The following DENND5A variants were observed in gnomAD, a reference collection of about 807,000 sequenced individuals.
The protein encoded by DENND5A is DENN domain-containing protein 5A.
DENND5A carries 64 observed loss-of-function variants against 140.3 expected under a neutral mutation model. The observed-to-expected ratio is 0.46, with a 90% CI of 0.37 to 0.56. The LOEUF (loss-of-function observed/expected upper bound fraction) is 0.56. Among genes scored for constraint, DENND5A ranks in the 20% least tolerant of loss-of-function variants. DENND5A has a pLI of 0.00. For synonymous variants in DENND5A, 605 were observed against 607.7 expected (o/e 1.00, Z 0.07); for missense variants, 1,292 against 1,593.8 (o/e 0.81, Z 3.22).
rs1181579785 is a variant in DENND5A at position 9,140,090 on chromosome 11, T to G, written c.3681-236A>C. 3.8e-6 allele frequency: 5 copies of G among 1,314,184 alleles called. No individual in the cohort carries two copies. The South Asian group carries it at 6.5e-5, about 17-fold the overall frequency. The allele number at this position is 1,314,184 out of a possible 1,614,324, so 81.4% of individuals were successfully genotyped here. A position where few individuals can be genotyped will look rare whatever the true frequency, so the allele number is the denominator to read the frequency against. On this transcript the variant is annotated intron_variant, in intron 22 of 22. Transcript: ENST00000328194. ...TGAGCCTCCAAGCCTCCTCCTCCCC[T>G]GCCTCCCTCGCCCTGCCTAGTCAGC...
At chr11:9,187,661 A>C (rs1357336858) in intron 5 of DENND5A, among the ~76,000 whole-genome samples, 1 of 152,144 alleles carries the variant, frequency 6.6e-6, no homozygotes, top group African/African-American at 2.4e-5. Context: ...GATAGAAAAA[A>C]ATGGTACCCC....
chr11:9,204,196 T>C lies in DENND5A; in HGVS notation c.413A>G (p.Tyr138Cys). 6.2e-7 allele frequency: 1 copy of C among 1,614,098 alleles called. No homozygotes were observed. The highest frequency in any genetic ancestry group is 8.5e-7 in the Non-Finnish European group (1 of 1,180,012). The change falls in exon 4 of 23, where the codon TAT becomes TGT. Residue 138 changes from tyrosine to cysteine, a missense_variant. Coordinates refer to ENST00000328194, the MANE Select transcript of DENND5A (RefSeq NM_015213.4). ...SRTFGFALTF[Y>C]EEVTSKQICS... Reference sequence around the variant, plus strand: ...GATCTGCTTGCTAGTCACCTCTTCATAAAATGTGAGGGCAAACCCAAATGT... The same window carrying C: ...GATCTGCTTGCTAGTCACCTCTTCACAAAATGTGAGGGCAAACCCAAATGT...
chr11:9,163,092 T>C (rs1430633688), intron 11 of DENND5A, among the ~76,000 whole-genome samples: 2 of 152,178 alleles, frequency 1.3e-5, no homozygotes, highest in African/African-American at 4.8e-5. Flanking sequence ...TTGTATAGCA[T>C]TCCACCACAT....
intron 12 of DENND5A, among the ~76,000 whole-genome samples, chr11:9,155,007 C>T (rs189673959): frequency 1.3e-5 from 2 of 151,864 alleles, no homozygotes; most frequent in South Asian, 2.1e-4. Flanking sequence ...AAATTAGGCG[C>T]GCATGGTGAC....
chr11:9,229,909 T>C (rs1392450807), intron 1 of DENND5A, among the ~76,000 whole-genome samples: 1 of 135,094 alleles, frequency 7.4e-6, no homozygotes, highest in Non-Finnish European at 1.6e-5. Context: ...CTTTTTTTTT[T>C]TTTTTTTTTT....
At chr11:9,169,495 G>GCGCACACACACA (rs1554916426) in intron 10 of DENND5A, among the ~76,000 whole-genome samples, 54 of 145,804 alleles carry the variant, frequency 3.7e-4, no homozygotes, top group African/African-American at 1.3e-3. Flanking sequence ...ATATACACAC[G>GCGCACACACACA]CACACACACA....
chr11:9,168,740 A>C (rs1314226060), intron 10 of DENND5A, among the ~76,000 whole-genome samples: 1 of 152,218 alleles, frequency 6.6e-6, no homozygotes, highest in East Asian at 1.9e-4. Flanking sequence ...AAGGGAGAAT[A>C]TGTTATTTAT....
chr11:9,237,150 C>T (rs988180526), intron 1 of DENND5A, among the ~76,000 whole-genome samples: 1 of 152,224 alleles, frequency 6.6e-6, no homozygotes, highest in Non-Finnish European at 1.5e-5. Flanking sequence ...GGCACGGTGG[C>T]TCACGCCTGT....
At chr11:9,239,276 C>T (rs550002786) in intron 1 of DENND5A, among the ~76,000 whole-genome samples, 14 of 152,132 alleles carry the variant, frequency 9.2e-5, no homozygotes, top group Admixed American at 2.6e-4. Context: ...AAGCAATCTT[C>T]CTGCCTCAGC....
intron 1 of DENND5A, among the ~76,000 whole-genome samples, chr11:9,264,219 C>T (rs1047195229): frequency 2.0e-5 from 3 of 152,126 alleles, no homozygotes; most frequent in Non-Finnish European, 4.4e-5. Context: ...TCTTTGACTC[C>T]CCTCATCACT....
rs190352297 is a variant in DENND5A at position 9,141,702 on chromosome 11, T to A, written c.3680+238A>T. Among the ~76,000 whole-genome samples the A allele has an allele frequency of 1.9e-3, 292 of 152,344 alleles. 2 individuals are homozygous for A. Among genetic ancestry groups the A allele is most frequent in the African/African-American group, 6.7e-3 (278 of 41,574 alleles). On this transcript the variant is annotated intron_variant, in intron 22 of 22. Coordinates refer to ENST00000328194, the MANE Select transcript of DENND5A (RefSeq NM_015213.4). ...ACAGTAAAAACAGAGTATAATCTTA[T>A]AGGACCATCATCCCATAAACAGTCC...
Position 9,165,888 on chromosome 11 carries a change from G to A in DENND5A, c.2231C>T (p.Ala744Val). The A allele has an allele frequency of 1.2e-6, 2 of 1,614,046 alleles. No homozygotes were observed. The stretch of plus-strand genomic sequence containing the variant: ...CTCTACAAACTTCCAATTGGTCTGG[G>A]CAATCACTGATGGAGAGAGGTTGGA... ...KLSNLSPSVI[A>V]QTNWKFVEGL... Residue 744 changes from alanine to valine, a missense_variant, in exon 11 of 23, where the codon GCC (alanine) becomes GTC (valine). By Grantham distance (64) the Ala-to-Val change is moderately conservative. Coordinates refer to ENST00000328194, the MANE Select transcript of DENND5A (RefSeq NM_015213.4).
At chr11:9,249,634 T>C (rs1028236035) in intron 1 of DENND5A, among the ~76,000 whole-genome samples, 1 of 152,180 alleles carries the variant, frequency 6.6e-6, no homozygotes, top group African/African-American at 2.4e-5. Flanking sequence ...CTGCAACCTC[T>C]GCCTCCAGGT....
At chr11:9,197,094 C>T (rs1442925772) in intron 4 of DENND5A, among the ~76,000 whole-genome samples, 1 of 151,268 alleles carries the variant, frequency 6.6e-6, no homozygotes, top group Non-Finnish European at 1.5e-5. Context: ...CGCTTGAAGT[C>T]AGGAGTTTAA....
At chr11:9,221,215 G>A (rs1850299634) in intron 1 of DENND5A, among the ~76,000 whole-genome samples, 2 of 151,768 alleles carry the variant, frequency 1.3e-5, no homozygotes, top group South Asian at 4.1e-4. Flanking sequence ...TGGATCACCT[G>A]AAGTCAGGAG....
intron 1 of DENND5A, among the ~76,000 whole-genome samples, chr11:9,231,578 G>A (rs1040492726): frequency 3.3e-5 from 5 of 152,042 alleles, no homozygotes; most frequent in Non-Finnish European, 5.9e-5. Context: ...TGCAGGGAGT[G>A]GTGGCGCATG....
At position 9,207,585 on chromosome 11, in the gene DENND5A, G is replaced by A. The variant is rs1183336505; in HGVS notation, c.157C>T (p.Pro53Ser). The part of the protein sequence containing the change: ...QASKARDGAS[P>S]FISSTTEGEN... ...CCTTCAGTCGTACTTGAAATGAAAG[G>A]GCTGGCACCATCCCTGGCTTTAGAA... Residue 53 changes from proline (P) to serine (S), a missense_variant, in exon 2 of 23, where the codon CCT (proline) becomes TCT (serine). Coordinates refer to ENST00000328194, the MANE Select transcript of DENND5A (RefSeq NM_015213.4). The A allele has an allele frequency of 6.2e-7, 1 of 1,613,164 alleles. No homozygotes were observed. Among genetic ancestry groups the A allele is most frequent in the African/African-American group, 1.3e-5 (1 of 74,870 alleles).
chr11:9,152,234 A>G (rs1564883702), intron 13 of DENND5A, 124 bp downstream of exon 13: 1 of 774,008 alleles, frequency 1.3e-6, no homozygotes, highest in South Asian at 1.5e-5. Context: ...TCCATATTTA[A>G]AAGAGAAAAC....
chr11:9,162,628 C>T (rs929907366), intron 11 of DENND5A, among the ~76,000 whole-genome samples: 7 of 152,130 alleles, frequency 4.6e-5, no homozygotes, highest in Non-Finnish European at 8.8e-5. Flanking sequence ...GAAGTGACCA[C>T]TTACCCAACG....
Sources: gnomAD v4.1 joint callset for allele counts (sites outside exome capture counted in the v4.1 genomes callset) on GRCh38, gnomAD v4.1.1 for gene constraint, MANE v1.5 for transcripts, NCBI Gene and HGNC (gene_info 2026-07-23, HGNC 2026-07-21) for gene names.